The following LYST variants were observed in gnomAD, a reference collection of about 807,000 sequenced individuals.
The protein encoded by LYST is lysosomal-trafficking regulator.
A neutral mutation model predicts 413.6 loss-of-function variants in LYST; 192 were observed. That is an observed-to-expected ratio of 0.46 (90% confidence interval 0.41 to 0.52). The LOEUF (loss-of-function observed/expected upper bound fraction) is 0.52. Ranked by LOEUF, LYST falls within the 20% of genes least tolerant of loss-of-function variation. The pLI, the probability that LYST is intolerant of heterozygous loss-of-function variation, is 0.00. For synonymous variants in LYST, 1,525 were observed against 1,567.3 expected, an observed-to-expected ratio of 0.97 and a Z score of 0.64; for missense variants, 3,815 against 4,499.9, an observed-to-expected ratio of 0.85 and a Z score of 4.35.
At chr1:235,769,890 T>TA (rs1439918000) in intron 20 of LYST, among the ~76,000 whole-genome samples, 2 of 152,138 alleles carry the variant, frequency 1.3e-5, no homozygotes, top group Non-Finnish European at 2.9e-5. Context: ...ACAAAACTAT[T>TA]ATTCTATCCC....
chr1:235,737,942 C>CTTAA, intron 31 of LYST: 4 of 1,266,838 alleles, frequency 3.2e-6, no homozygotes, highest in South Asian at 4.9e-5. Flanking sequence ...CCGCGTGCCC[C>CTTAA]AACACCCGCC....
intron 42 of LYST, 119 bp from the exon 43 acceptor site, chr1:235,712,316 C>A: frequency 8.0e-6 from 6 of 745,360 alleles, no homozygotes; most frequent in South Asian, 6.1e-5. Context: ...ATTTTGTTTG[C>A]CCATAGTTTA....
At chr1:235,689,744 T>C (rs747936430) in intron 47 of LYST, among the ~76,000 whole-genome samples, 1 of 152,254 alleles carries the variant, frequency 6.6e-6, no homozygotes, top group Non-Finnish European at 1.5e-5. Context: ...TATATATACA[T>C]GTATTAAAAC....
Position 235,849,775 on chromosome 1 carries a change from CAAAA to C in LYST, c.-97-16112_-97-16109del, listed in dbSNP as rs57262471. On this transcript the variant is annotated intron_variant, in intron 1 of 52. Transcript: ENST00000389793. ...AACTCAACCCCTTTTACAATAGCTC[CAAAA>C]AAAAAAAAAAAAAAAAAAACTTAGG... 4.1e-3 allele frequency among the ~76,000 whole-genome samples: 252 copies of C among 61,834 alleles called. 3 individuals are homozygous for C. The highest frequency in any genetic ancestry group is 0.013 in the African/African-American group (236 of 17,922). The allele number at this position is 61,834 out of a possible 152,430, so 40.6% of individuals were successfully genotyped here. A position where few individuals can be genotyped will look rare whatever the true frequency, so the allele number is the denominator to read the frequency against.
chr1:235,679,922 C>A (rs1659677235), intron 48 of LYST, among the ~76,000 whole-genome samples: 2 of 151,944 alleles, frequency 1.3e-5, no homozygotes, highest in African/African-American at 4.8e-5. Flanking sequence ...CTCCTTCCTG[C>A]TTATTTACCT....
At chr1:235,706,210 A>G (rs1661975818) in intron 44 of LYST, among the ~76,000 whole-genome samples, 1 of 152,192 alleles carries the variant, frequency 6.6e-6, no homozygotes, top group Admixed American at 6.5e-5. Context: ...AAAATTTCGT[A>G]CCCTGGCATA....
At chr1:235,877,679 T>C (rs1558374587) in intron 1 of LYST, among the ~76,000 whole-genome samples, 2 of 152,134 alleles carry the variant, frequency 1.3e-5, no homozygotes, top group African/African-American at 4.8e-5. Flanking sequence ...GTGCTAGGAT[T>C]ACAAGCGTGA....
At chr1:235,818,373 C>A (rs1394247993) in intron 3 of LYST, among the ~76,000 whole-genome samples, 1 of 152,148 alleles carries the variant, frequency 6.6e-6, no homozygotes, top group Admixed American at 6.5e-5. Context: ...GCATGGACTC[C>A]AGGGCTCAGG....
rs1265224196 is a variant in LYST at position 235,798,616 on chromosome 1, A to C, written c.4006+1704T>G. ...AAAAAAAAAAAAAAAAAAAAAAAAAACACTGAAAAAAGGAATCTATGCAAA... is the reference window on the plus strand; with the variant it reads ...AAAAAAAAAAAAAAAAAAAAAAAAACCACTGAAAAAAGGAATCTATGCAAA... On this transcript the variant is annotated intron_variant, in intron 10 of 52. Coordinates refer to ENST00000389793, the MANE Select transcript of LYST (RefSeq NM_000081.4). Among the ~76,000 whole-genome samples the C allele has an allele frequency of 4.6e-5, 6 of 130,310 alleles. No homozygotes were observed. The South Asian group carries it at 7.2e-4, about 16-fold the overall frequency. The allele number at this position is 130,310 out of a possible 152,430, so 85.5% of individuals were successfully genotyped here.
In LYST at chr1:235,738,367, T is replaced by A. The variant is rs1437424143; in HGVS notation, c.8358+3055A>T. ...ACATCTTTAAATTCATCATTCCTAATGTTGTAAAATACAGCCCGAACTGCA... is the reference window on the plus strand; with the variant it reads ...ACATCTTTAAATTCATCATTCCTAAAGTTGTAAAATACAGCCCGAACTGCA... On this transcript the variant is annotated intron_variant, in intron 31 of 52. Coordinates refer to ENST00000389793, the MANE Select transcript of LYST (RefSeq NM_000081.4). The A allele has an allele frequency of 4.7e-5, 76 of 1,612,698 alleles. 1 individual carries two copies. The South Asian group carries it at 8.0e-4, about 17-fold the overall frequency.
chr1:235,704,615 T>C (rs1572035139), intron 44 of LYST, among the ~76,000 whole-genome samples: 3 of 152,234 alleles, frequency 2.0e-5, no homozygotes, highest in Non-Finnish European at 2.9e-5. Context: ...TTTTTTCTTA[T>C]ACATTTGTTT....
Position 235,800,216 on chromosome 1 carries a change from C to T in LYST, c.4006+104G>A, listed in dbSNP as rs530809805. ...CCTGCCACCTCAGCCTCCCAAAGTG[C>T]TAAGATCACAGGCATGAGCCACCAC... On this transcript the variant is annotated intron_variant, in intron 10 of 52. Transcript: ENST00000389793. 1.4e-5 allele frequency: 11 copies of T among 788,836 alleles called. No individual in the cohort carries two copies. The South Asian group carries it at 1.5e-4, about 11-fold the overall frequency. The allele number at this position is 788,836 out of a possible 1,614,324, so 48.9% of individuals were successfully genotyped here.
rs201820026 is a variant in LYST at position 235,809,038 on chromosome 1, G to C, written c.1780C>G (p.Pro594Ala). Residue 594 changes from proline (P) to alanine (A), a missense_variant, in exon 5 of 53, where the codon CCT becomes GCT. Coordinates refer to ENST00000389793, the MANE Select transcript of LYST (RefSeq NM_000081.4). The surrounding 1 kb of genome is among the most constrained non-coding windows in gnomAD (Gnocchi z 4.0). ...CCMDPKSVII[P>A]LLHAFKLPAL... Reference sequence around the variant, plus strand: ...GGCAATTTAAAAGCATGGAGCAAAGGAATGATTACAGATTTGGGATCCATA... The same window carrying C: ...GGCAATTTAAAAGCATGGAGCAAAGCAATGATTACAGATTTGGGATCCATA... 7.9e-5 allele frequency: 128 copies of C among 1,614,066 alleles called. No individual in the cohort carries two copies. Among genetic ancestry groups the C allele is most frequent in the Non-Finnish European group, 1.1e-5 (13 of 1,179,926 alleles).
At chr1:235,741,387 C>T (rs182086270) in intron 31 of LYST, 35 bp downstream of exon 31, 54 of 1,502,116 alleles carry the variant, frequency 3.6e-5, no homozygotes, top group South Asian at 2.6e-4. Flanking sequence ...TTTCACCAAA[C>T]GTTTTACTTC....
At position 235,730,859 on chromosome 1, in the gene LYST, C is replaced by T; in HGVS notation, c.9032G>A (p.Ser3011Asn). The change falls in exon 36 of 53, where the codon AGT (serine) becomes AAT (asparagine). Residue 3011 changes from serine (S) to asparagine (N), a missense_variant. Physicochemically the swap from Ser to Asn is conservative, Grantham distance 46 (BLOSUM62 1). Around this residue, in one of 4 missense-constraint regions of LYST, gnomAD observed 866 missense variants for 1,156.0 expected, o/e 0.75. Coordinates refer to ENST00000389793, the MANE Select transcript of LYST (RefSeq NM_000081.4). Reference protein sequence around the residue: ...FSSTVKDKAASESIRVNRRCI... With the variant: ...FSSTVKDKAANESIRVNRRCI... ...GATTCAAAGTTACCTTATAGATTCA[C>T]TTGCAGCTTTGTCTTTGACAGTAGA... The T allele has an allele frequency of 6.2e-7, 1 of 1,605,538 alleles. No homozygotes were observed. Among genetic ancestry groups the T allele is most frequent in the Non-Finnish European group, 8.5e-7 (1 of 1,172,332 alleles).
At chr1:235,698,242 C>T (rs1661254334) in intron 45 of LYST, among the ~76,000 whole-genome samples, 1 of 151,990 alleles carries the variant, frequency 6.6e-6, no homozygotes, top group Admixed American at 6.6e-5. Context: ...AAGCAATTTT[C>T]AGTCATTTCT....
chr1:235,734,692 A>C (rs764744548), intron 31 of LYST, 33 bp from the exon 32 acceptor site: 12 of 1,450,952 alleles, frequency 8.3e-6, no homozygotes, highest in Admixed American at 1.7e-5. Flanking sequence ...TTAGTCATTT[A>C]GAATTTTAAT....
chr1:235,693,305 A>G (rs1398145171), intron 47 of LYST, 45 bp downstream of exon 47: 4 of 1,425,334 alleles, frequency 2.8e-6, no homozygotes, highest in Non-Finnish European at 3.9e-6. Context: ...GCAGAGTGAG[A>G]CTCCGTCTTA....
At position 235,731,165 on chromosome 1, in the gene LYST, A is replaced by G. The variant is rs201682120; in HGVS notation, c.8814T>C (p.Tyr2938=). The change falls in exon 35 of 53, where the codon TAT becomes TAC. Residue 2938 remains tyrosine (Y), a synonymous_variant. Coordinates refer to ENST00000389793, the MANE Select transcript of LYST (RefSeq NM_000081.4). Reference sequence around the variant, plus strand: ...ATGAGGTTGGATAGTAGATGGGGTCATACCATACTGCTCTGCAAGTAAAAA... The same window carrying G: ...ATGAGGTTGGATAGTAGATGGGGTCGTACCATACTGCTCTGCAAGTAAAAA... ...QQLTHDRAVW[Y]DPIYYPTSWQ... The G allele has an allele frequency of 1.2e-6, 2 of 1,614,118 alleles. No individual in the cohort carries two copies. The highest frequency in any genetic ancestry group is 2.7e-5 in the African/African-American group (2 of 75,052).
Sources: gnomAD v4.1 joint callset for allele counts (sites outside exome capture counted in the v4.1 genomes callset) on GRCh38, gnomAD v4.1.1 for gene constraint, gnomAD v4.1.1 regional missense constraint, Gnocchi (gnomAD v3.1) non-coding constraint, MANE v1.5 for transcripts, NCBI Gene and HGNC (gene_info 2026-07-23, HGNC 2026-07-21) for gene names.